The following ARHGEF26 variants were observed in gnomAD, a reference collection of about 807,000 sequenced individuals.
ARHGEF26 encodes Rho guanine nucleotide exchange factor 26.
ARHGEF26 carries 59 observed loss-of-function variants against 89.4 expected under a neutral mutation model. That is an observed-to-expected ratio of 0.66 (90% confidence interval 0.54 to 0.82). ARHGEF26 has a LOEUF of 0.82. Ranked by LOEUF, ARHGEF26 falls within the 40% of genes least tolerant of loss-of-function variation. The probability of loss-of-function intolerance (pLI) is 0.00; values close to 1 mark genes in which losing one functional copy is unlikely to be tolerated. For synonymous variants in ARHGEF26, 500 were observed against 428.4 expected (o/e 1.17, Z -2.06); for missense variants, 1,234 against 1,085.6 (o/e 1.14, Z -1.92).
At chr3:154,140,588 C>CGT (rs372897257) in intron 4 of ARHGEF26, among the ~76,000 whole-genome samples, 1 of 134,922 alleles carries the variant, frequency 7.4e-6, no homozygotes, top group Non-Finnish European at 1.5e-5. Context: ...TTTCTGAGTG[C>CGT]TTTTTTTTTT....
intron 12 of ARHGEF26, among the ~76,000 whole-genome samples, chr3:154,245,634 C>T (rs369369315): frequency 9.3e-4 from 141 of 152,270 alleles, no homozygotes; most frequent in African/African-American, 3.1e-3. Context: ...GCCCAGTGCT[C>T]GCTGTGTGTG....
At chr3:154,206,755 A>G (rs889178601) in intron 9 of ARHGEF26, among the ~76,000 whole-genome samples, 4 of 152,326 alleles carry the variant, frequency 2.6e-5, no homozygotes, top group African/African-American at 7.2e-5. Flanking sequence ...GAATTAGAAA[A>G]AAAGTATTTT....
intron 11 of ARHGEF26, among the ~76,000 whole-genome samples, chr3:154,226,660 TACACACACACACACACAC>T (rs3029724): frequency 2.7e-5 from 4 of 148,066 alleles, no homozygotes; most frequent in South Asian, 2.2e-4. Flanking sequence ...GTTTCTGTTC[TACACACACACACACACAC>T]ACACACACAC....
intron 9 of ARHGEF26, among the ~76,000 whole-genome samples, chr3:154,214,281 G>A (rs1446232475): frequency 1.3e-5 from 2 of 152,204 alleles, no homozygotes; most frequent in African/African-American, 4.8e-5. Flanking sequence ...TAGAAAAACT[G>A]ACATCTTATT....
chr3:154,224,095 G>A (rs1036753507), intron 10 of ARHGEF26, among the ~76,000 whole-genome samples: 11 of 151,958 alleles, frequency 7.2e-5, no homozygotes, highest in African/African-American at 2.7e-4. Flanking sequence ...CTAGTTTCTG[G>A]TTCACACATG....
intron 6 of ARHGEF26, among the ~76,000 whole-genome samples, chr3:154,176,363 T>G (rs1027180312): frequency 1.3e-5 from 2 of 152,092 alleles, no homozygotes; most frequent in African/African-American, 4.8e-5. Flanking sequence ...AAGATAAACT[T>G]TTTTTTGGTA....
At chr3:154,235,861 C>G (rs1051649834) in intron 11 of ARHGEF26, among the ~76,000 whole-genome samples, 1 of 152,170 alleles carries the variant, frequency 6.6e-6, no homozygotes, top group African/African-American at 2.4e-5. Context: ...GTTGGCATCT[C>G]TTTATTCTTG....
At chr3:154,135,755 C>G (rs546170047) in intron 4 of ARHGEF26, among the ~76,000 whole-genome samples, 2 of 152,290 alleles carry the variant, frequency 1.3e-5, no homozygotes, top group East Asian at 3.9e-4. Flanking sequence ...GTCAGCTGAA[C>G]TTCAGGTTTT....
chr3:154,237,897 T>C (rs1717218489), intron 11 of ARHGEF26, among the ~76,000 whole-genome samples: 1 of 152,194 alleles, frequency 6.6e-6, no homozygotes. Flanking sequence ...ACTTGTAAAT[T>C]GGACCAAAAG....
At chr3:154,221,267 A>T (rs1320661295) in intron 10 of ARHGEF26, among the ~76,000 whole-genome samples, 1 of 152,250 alleles carries the variant, frequency 6.6e-6, no homozygotes, top group Non-Finnish European at 1.5e-5. Flanking sequence ...CTAATTGAAG[A>T]TTAGCAGATA....
chr3:154,156,109 T>C (rs1298519753), intron 6 of ARHGEF26, among the ~76,000 whole-genome samples: 1 of 151,926 alleles, frequency 6.6e-6, no homozygotes, highest in Non-Finnish European at 1.5e-5. Context: ...AGTTTCAGCA[T>C]CTGCAATAAA....
At chr3:154,195,124 CA>C (rs1167609198) in intron 9 of ARHGEF26, among the ~76,000 whole-genome samples, 1 of 152,074 alleles carries the variant, frequency 6.6e-6, no homozygotes, top group Non-Finnish European at 1.5e-5. Context: ...AACAGAGTTA[CA>C]ATGAAGGGTA....
chr3:154,135,577 TGCTGCACGCAGGTAAA>T, intron 4 of ARHGEF26, among the ~76,000 whole-genome samples: 1 of 152,290 alleles, frequency 6.6e-6, no homozygotes, highest in Admixed American at 6.5e-5. Flanking sequence ...ACAAAAACCC[TGCTGCACGCAGGTAAA>T]TCACCGGTGC....
In ARHGEF26 at chr3:154,174,346, T is replaced by G. The variant is rs1043299573; in HGVS notation, c.1488-13339T>G. Among the ~76,000 whole-genome samples, 3 of 152,218 alleles carry G rather than the reference T, an allele frequency of 2.0e-5. No homozygotes were observed. In the East Asian group the frequency reaches 5.8e-4, roughly 29 times the overall value. On this transcript the variant is annotated intron_variant, in intron 6 of 14. Transcript: ENST00000465093. ...AATTTAGGTTTTTAAAATACATGTG[T>G]AGGGCAGTTTCAACCCACCAGCCAT...
chr3:154,182,990 C>CATAA (rs1439839510), intron 6 of ARHGEF26, among the ~76,000 whole-genome samples: 1 of 152,122 alleles, frequency 6.6e-6, no homozygotes, highest in Non-Finnish European at 1.5e-5. Flanking sequence ...GTTACTAGAC[C>CATAA]ATAAGCAAGC....
intron 10 of ARHGEF26, among the ~76,000 whole-genome samples, chr3:154,219,238 T>C (rs1450045116): frequency 6.6e-6 from 1 of 152,178 alleles, no homozygotes; most frequent in Non-Finnish European, 1.5e-5. Context: ...AGATGAAAAA[T>C]TCCCTAACCA....
chr3:154,256,045 C>T lies in ARHGEF26; in HGVS notation c.*572C>T, dbSNP rs1378585472. Reference sequence around the variant, plus strand: ...TCTTCCCAGGAAGGGGACATTGACACTTGAATTTTTGTCACCTTTTTCCTC... The same window carrying T: ...TCTTCCCAGGAAGGGGACATTGACATTTGAATTTTTGTCACCTTTTTCCTC... On this transcript the variant is annotated 3_prime_UTR_variant, in exon 15 of 15. Coordinates refer to ENST00000465093, the MANE Select transcript of ARHGEF26 (RefSeq NM_015595.4). The T allele has an allele frequency of 1.0e-6, 1 of 985,474 alleles. No homozygotes were observed. The highest frequency in any genetic ancestry group is 6.2e-5 in the Admixed American group (1 of 16,238). The allele number at this position is 985,474 out of a possible 1,614,324, so 61.0% of individuals were successfully genotyped here. A position where few individuals can be genotyped will look rare whatever the true frequency, so the allele number is the denominator to read the frequency against.
intron 9 of ARHGEF26, among the ~76,000 whole-genome samples, chr3:154,195,881 G>C (rs1424545100): frequency 6.6e-6 from 1 of 152,100 alleles, no homozygotes; most frequent in Non-Finnish European, 1.5e-5. Flanking sequence ...CATGAGGAAT[G>C]CTAGCATTCA....
intron 3 of ARHGEF26, among the ~76,000 whole-genome samples, chr3:154,125,801 A>G (rs57382870): frequency 0.011 from 1,722 of 152,170 alleles, 33 homozygotes; most frequent in African/African-American, 0.039. Flanking sequence ...GTACATACAT[A>G]TGTACATGAG....
Sources: gnomAD v4.1 joint callset for allele counts (sites outside exome capture counted in the v4.1 genomes callset) on GRCh38, gnomAD v4.1.1 for gene constraint, MANE v1.5 for transcripts, NCBI Gene and HGNC (gene_info 2026-07-23, HGNC 2026-07-21) for gene names.